Variants in CSMD1 observed in about 807,000 individuals in gnomAD.
The protein encoded by CSMD1 is CUB and sushi domain-containing protein 1.
A neutral mutation model predicts 417.5 loss-of-function variants in CSMD1; 213 were observed. That is an observed-to-expected ratio of 0.51 (90% confidence interval 0.46 to 0.57). The LOEUF is 0.57. Ranked by LOEUF, CSMD1 falls within the 20% of genes least tolerant of loss-of-function variation. The pLI is 0.00. For synonymous variants in CSMD1, 2,862 were observed against 1,736.8 expected (o/e 1.65, Z -16.11); for missense variants, 6,923 against 4,529.7 (o/e 1.53, Z -15.17).
chr8:4,495,693 C>A (rs141944104), intron 2 of CSMD1, among the ~76,000 whole-genome samples: 1 of 152,044 alleles, frequency 6.6e-6, no homozygotes, highest in African/African-American at 2.4e-5. Flanking sequence ...AATTATCTGG[C>A]CCAAGAAAGG....
At chr8:3,304,341 G>GTTA (rs1210831770) in intron 25 of CSMD1, among the ~76,000 whole-genome samples, 63 of 152,128 alleles carry the variant, frequency 4.1e-4, no homozygotes, top group Middle Eastern at 6.8e-3. Context: ...TAATATCAAG[G>GTTA]CTAAGACCAG....
intron 12 of CSMD1, among the ~76,000 whole-genome samples, chr8:3,436,320 T>G (rs1158956106): frequency 6.6e-6 from 1 of 152,204 alleles, no homozygotes; most frequent in Non-Finnish European, 1.5e-5. Context: ...AGAAAGTCCA[T>G]GCCTTAGAAG....
At position 3,166,932 on chromosome 8, in the gene CSMD1, C is replaced by T. The variant is rs566971043; in HGVS notation, c.5726-4655G>A. On this transcript the variant is annotated intron_variant, in intron 37 of 69. Coordinates refer to ENST00000635120, the MANE Select transcript of CSMD1 (RefSeq NM_033225.6). Reference sequence around the variant, plus strand: ...TGTACTTCTTTCAAATCACAGCATACATATGCTTCATACCATAAATGATAA... The same window carrying T: ...TGTACTTCTTTCAAATCACAGCATATATATGCTTCATACCATAAATGATAA... Among the ~76,000 whole-genome samples, 30 of 152,294 alleles carry T rather than the reference C, an allele frequency of 2.0e-4. No homozygotes were observed. In the South Asian group the frequency reaches 5.4e-3, roughly 27 times the overall value.
intron 3 of CSMD1, among the ~76,000 whole-genome samples, chr8:4,361,773 G>C (rs1388165947): frequency 6.6e-6 from 1 of 152,066 alleles, no homozygotes; most frequent in Admixed American, 6.6e-5. Context: ...GGCTAACACG[G>C]TGAAACCCCA....
At chr8:3,539,714 A>T (rs539314278) in intron 10 of CSMD1, among the ~76,000 whole-genome samples, 3 of 152,148 alleles carry the variant, frequency 2.0e-5, no homozygotes, top group South Asian at 4.2e-4. Flanking sequence ...TTTAAAATTA[A>T]AAACATATCA....
chr8:4,051,829 C>CTTTT (rs1798438712), intron 3 of CSMD1, among the ~76,000 whole-genome samples: 1 of 149,178 alleles, frequency 6.7e-6, no homozygotes, highest in Non-Finnish European at 1.5e-5. Context: ...TCTCTTTCTT[C>CTTTT]TCTTTCTTTT....
In CSMD1 at chr8:4,030,524, G is replaced by C. The variant is rs185582824; in HGVS notation, c.610+1381C>G. ...TGGGATGCAGGGCACCAAGTCTCTA[G>C]GCTGTACACAGCATGGGGACCCTTG... On this transcript the variant is annotated intron_variant, in intron 4 of 69. Coordinates refer to ENST00000635120, the MANE Select transcript of CSMD1 (RefSeq NM_033225.6). 1.0e-3 allele frequency among the ~76,000 whole-genome samples: 159 copies of C among 152,260 alleles called. No individual in the cohort carries two copies. In the East Asian group the frequency reaches 0.016, roughly 16 times the overall value.
At chr8:3,585,776 A>G (rs1800572834) in intron 9 of CSMD1, among the ~76,000 whole-genome samples, 1 of 152,194 alleles carries the variant, frequency 6.6e-6, no homozygotes, top group Non-Finnish European at 1.5e-5. Flanking sequence ...AGGAAAGTGA[A>G]CATTTTTAGG....
chr8:4,853,254 CCCATGACAGGCCCAGAG>C (rs1801592457), intron 1 of CSMD1, among the ~76,000 whole-genome samples: 1 of 152,142 alleles, frequency 6.6e-6, no homozygotes, highest in Non-Finnish European at 1.5e-5. Context: ...GGCAGCCCTT[CCCATGACAGGCCCAGAG>C]GTCTACAAAG....
chr8:4,219,564 A>C (rs1008828739), intron 3 of CSMD1, among the ~76,000 whole-genome samples: 1 of 152,196 alleles, frequency 6.6e-6, no homozygotes, highest in African/African-American at 2.4e-5. Context: ...TTAAAAAAAA[A>C]ACTTAAAAAT....
chr8:4,580,377 C>A (rs1165321701), intron 2 of CSMD1, among the ~76,000 whole-genome samples: 1 of 152,124 alleles, frequency 6.6e-6, no homozygotes, highest in East Asian at 1.9e-4. Flanking sequence ...CAGTGTTGAC[C>A]ATCTTCCTTT....
intron 5 of CSMD1, among the ~76,000 whole-genome samples, chr8:3,814,421 G>A (rs1206887475): frequency 6.6e-6 from 1 of 152,096 alleles, no homozygotes; most frequent in Admixed American, 6.6e-5. Context: ...ACAAACACCT[G>A]TCATCTCTAG....
chr8:4,200,554 T>C (rs901256488), intron 3 of CSMD1, among the ~76,000 whole-genome samples: 2 of 151,612 alleles, frequency 1.3e-5, no homozygotes, highest in African/African-American at 4.9e-5. Flanking sequence ...TGCTGTGCTA[T>C]CCTTATATAA....
chr8:3,922,842 T>C (rs991370529), intron 5 of CSMD1, among the ~76,000 whole-genome samples: 20 of 152,164 alleles, frequency 1.3e-4, no homozygotes, highest in African/African-American at 4.6e-4. Context: ...GTGTACAACA[T>C]GGCCTTCAGA....
intron 3 of CSMD1, among the ~76,000 whole-genome samples, chr8:4,282,989 A>T (rs556570007): frequency 2.3e-4 from 35 of 152,272 alleles, no homozygotes; most frequent in African/African-American, 8.2e-4. Flanking sequence ...TCTACTGCAC[A>T]TTAGTCATTC....
intron 5 of CSMD1, among the ~76,000 whole-genome samples, chr8:3,979,057 T>G (rs1335327498): frequency 6.6e-6 from 1 of 152,228 alleles, no homozygotes; most frequent in Non-Finnish European, 1.5e-5. Flanking sequence ...AGTTTCCTCC[T>G]TTCCTTCAGA....
At chr8:4,699,817 C>T (rs192127850) in intron 1 of CSMD1, among the ~76,000 whole-genome samples, 10 of 152,186 alleles carry the variant, frequency 6.6e-5, no homozygotes, top group Admixed American at 2.0e-4. Flanking sequence ...ATGAACAGGT[C>T]TTGCCGATGC....
intron 1 of CSMD1, among the ~76,000 whole-genome samples, chr8:4,778,977 A>G (rs1797013392): frequency 6.6e-6 from 1 of 152,194 alleles, no homozygotes; most frequent in South Asian, 2.1e-4. Context: ...GTTTAGAAAG[A>G]ATTGATAGGT....
chr8:4,952,144 A>C (rs112800444), intron 1 of CSMD1, among the ~76,000 whole-genome samples: 1,685 of 152,066 alleles, frequency 0.011, 35 homozygotes, highest in African/African-American at 0.038. Flanking sequence ...TGCACAAAAT[A>C]ATGTCTTAAA....
Sources: allele counts gnomAD v4.1 joint callset (sites outside exome capture counted in the v4.1 genomes callset), GRCh38; gene constraint gnomAD v4.1.1; transcripts MANE v1.5; gene names NCBI Gene and HGNC (gene_info 2026-07-23, HGNC 2026-07-21).